Variants in NWD2 observed in about 807,000 individuals in gnomAD.
NWD2 encodes NACHT and WD repeat domain-containing protein 2.
Under a neutral mutation model 132.7 loss-of-function variants are expected in NWD2, and 37 were observed. That is an observed-to-expected ratio of 0.28 (90% confidence interval 0.21 to 0.37). The LOEUF (loss-of-function observed/expected upper bound fraction) is 0.37, where lower values mean the gene tolerates loss of function less well. NWD2 is among the 10% of genes least tolerant of loss of function. The probability of loss-of-function intolerance (pLI) is 1.00; values close to 1 mark genes in which losing one functional copy is unlikely to be tolerated. For missense variants in NWD2, 1,592 were observed against 2,122.4 expected, an observed-to-expected ratio of 0.75 and a Z score of 4.91; for synonymous variants, 705 against 803.0, an observed-to-expected ratio of 0.88 and a Z score of 2.06.
intron 3 of NWD2, among the ~76,000 whole-genome samples, chr4:37,369,486 T>G (rs185626987): frequency 1.2e-4 from 19 of 152,320 alleles, no homozygotes; most frequent in Non-Finnish European, 2.1e-4. Flanking sequence ...CATGTGGTAT[T>G]TGGCTTACAT....
At chr4:37,282,460 G>GCACAGTAAA (rs1718147275) in intron 1 of NWD2, among the ~76,000 whole-genome samples, 1 of 152,174 alleles carries the variant, frequency 6.6e-6, no homozygotes, top group Admixed American at 6.5e-5. Flanking sequence ...AATAGAGTTT[G>GCACAGTAAA]TAGGTATAAA....
At chr4:37,414,406 A>G (rs1018488467) in intron 3 of NWD2, among the ~76,000 whole-genome samples, 1 of 151,944 alleles carries the variant, frequency 6.6e-6, no homozygotes, top group Non-Finnish European at 1.5e-5. Flanking sequence ...TTCACCTTAT[A>G]GAGAAGTACA....
chr4:37,289,346 T>C (rs1043136050), intron 1 of NWD2, among the ~76,000 whole-genome samples: 11 of 152,222 alleles, frequency 7.2e-5, no homozygotes, highest in Non-Finnish European at 1.6e-4. Context: ...TGGATACTAA[T>C]GTGCCCACAA....
intron 3 of NWD2, among the ~76,000 whole-genome samples, chr4:37,424,198 C>A (rs1711912828): frequency 6.6e-6 from 1 of 152,220 alleles, no homozygotes; most frequent in South Asian, 2.1e-4. Context: ...CTGCAGTACA[C>A]AGGGTGCACA....
At chr4:37,361,654 G>A (rs558043544) in intron 3 of NWD2, among the ~76,000 whole-genome samples, 2 of 152,140 alleles carry the variant, frequency 1.3e-5, no homozygotes, top group African/African-American at 2.4e-5. Context: ...AGTAAACAAG[G>A]CATCGAAGGA....
intron 5 of NWD2, among the ~76,000 whole-genome samples, chr4:37,435,967 T>G (rs1051621610): frequency 1.3e-5 from 2 of 152,214 alleles, no homozygotes; most frequent in African/African-American, 4.8e-5. Context: ...ATAAGAATAC[T>G]GGATAGAACC....
chr4:37,402,504 G>A (rs1157569786), intron 3 of NWD2, among the ~76,000 whole-genome samples: 1 of 152,182 alleles, frequency 6.6e-6, no homozygotes, highest in Non-Finnish European at 1.5e-5. Context: ...AGGTATTATA[G>A]GGAAGAAGAC....
At chr4:37,429,012 G>A (rs1011683821) in intron 3 of NWD2, among the ~76,000 whole-genome samples, 1 of 151,928 alleles carries the variant, frequency 6.6e-6, no homozygotes, top group African/African-American at 2.4e-5. Flanking sequence ...GATCACAAGT[G>A]TGAGCCACCA....
intron 1 of NWD2, among the ~76,000 whole-genome samples, chr4:37,325,254 TAATAA>T (rs1315044597): frequency 6.6e-6 from 1 of 152,180 alleles, no homozygotes; most frequent in African/African-American, 2.4e-5. Context: ...TGACAGGAGA[TAATAA>T]AATATTTTTT....
At chr4:37,416,990 A>T (rs1711632242) in intron 3 of NWD2, among the ~76,000 whole-genome samples, 1 of 152,182 alleles carries the variant, frequency 6.6e-6, no homozygotes, top group Non-Finnish European at 1.5e-5. Flanking sequence ...CATGTTGGGT[A>T]CAGTGTATAC....
intron 6 of NWD2, among the ~76,000 whole-genome samples, chr4:37,442,942 T>C (rs2109330708): frequency 6.6e-6 from 1 of 152,080 alleles, no homozygotes; most frequent in Non-Finnish European, 1.5e-5. Flanking sequence ...ATTCATTCAG[T>C]GATACAAAGC....
chr4:37,261,536 A>G (rs73807465), intron 1 of NWD2, among the ~76,000 whole-genome samples: 2 of 152,132 alleles, frequency 1.3e-5, no homozygotes, highest in African/African-American at 4.8e-5. Context: ...CGCAAGAATC[A>G]TACAAGTATT....
chr4:37,262,111 T>C (rs908712487), intron 1 of NWD2, among the ~76,000 whole-genome samples: 2 of 152,232 alleles, frequency 1.3e-5, no homozygotes, highest in African/African-American at 4.8e-5. Context: ...CAGGAAGCTG[T>C]ACCTGTGTGT....
At chr4:37,302,406 A>G (rs1718629012) in intron 1 of NWD2, among the ~76,000 whole-genome samples, 1 of 152,092 alleles carries the variant, frequency 6.6e-6, no homozygotes, top group Non-Finnish European at 1.5e-5. Context: ...ATTGTGAATA[A>G]TGTTTCAGTG....
At chr4:37,375,327 C>G (rs930597443) in intron 3 of NWD2, among the ~76,000 whole-genome samples, 1 of 152,146 alleles carries the variant, frequency 6.6e-6, no homozygotes, top group Non-Finnish European at 1.5e-5. Context: ...TCTCATCATT[C>G]AAAAATTATC....
intron 1 of NWD2, among the ~76,000 whole-genome samples, chr4:37,306,189 T>A (rs548350164): frequency 6.6e-6 from 1 of 152,262 alleles, no homozygotes; most frequent in South Asian, 2.1e-4. Context: ...GTTGTAATGG[T>A]TCCTTTTTTG....
At chr4:37,245,698 C>G (rs1352041394) in intron 1 of NWD2, among the ~76,000 whole-genome samples, 3 of 152,128 alleles carry the variant, frequency 2.0e-5, no homozygotes, top group African/African-American at 4.8e-5. Context: ...AGACTCTCCT[C>G]CTGCAGGTGC....
In NWD2 at chr4:37,445,064, G is replaced by T. The variant is rs1459192927; in HGVS notation, c.3076G>T (p.Val1026Leu). Reference protein sequence around the residue: ...KLTSDEKYLVVATTNNTLLIY... With the variant: ...KLTSDEKYLVLATTNNTLLIY... ...CACCAGTGATGAAAAGTACCTTGTG[G>T]TGGCTACAACAAATAACACCTTGTT... Residue 1026 changes from valine to leucine, a missense_variant, in exon 7 of 7, where the codon GTG becomes TTG. Around this residue, in one of 7 missense-constraint regions of NWD2, gnomAD observed 1,071 missense variants for 1,398.0 expected, o/e 0.77. Coordinates refer to ENST00000309447, the MANE Select transcript of NWD2 (RefSeq NM_001144990.2). The surrounding 1 kb of genome is among the most constrained non-coding windows in gnomAD (Gnocchi z 4.7). The T allele has an allele frequency of 1.1e-5, 17 of 1,551,690 alleles. No individual in the cohort carries two copies. The Admixed American group carries it at 3.3e-4, about 30-fold the overall frequency.
At chr4:37,397,729 T>A (rs1246780665) in intron 3 of NWD2, among the ~76,000 whole-genome samples, 1 of 152,068 alleles carries the variant, frequency 6.6e-6, no homozygotes, top group African/African-American at 2.4e-5. Flanking sequence ...CGAAGGAAAT[T>A]TCTCGCCAGT....
Sources: allele counts gnomAD v4.1 joint callset (sites outside exome capture counted in the v4.1 genomes callset), GRCh38; gene constraint gnomAD v4.1.1; regional missense constraint gnomAD v4.1.1; non-coding constraint Gnocchi (gnomAD v3.1); transcripts MANE v1.5; gene names NCBI Gene and HGNC (gene_info 2026-07-23, HGNC 2026-07-21).